Variants in TPH2 observed in about 807,000 individuals in gnomAD.
TPH2 encodes the protein tryptophan 5-hydroxylase 2.
In TPH2, 27 loss-of-function variants were observed where a neutral mutation model predicts 59.1. The observed-to-expected ratio is 0.46, with a 90% CI of 0.34 to 0.63. The LOEUF (loss-of-function observed/expected upper bound fraction) is 0.63, where lower values mean the gene tolerates loss of function less well. Ranked by LOEUF, TPH2 falls within the 30% of genes least tolerant of loss-of-function variation. TPH2 has a pLI of 0.01. For synonymous variants in TPH2, 220 were observed against 210.5 expected (o/e 1.05, Z -0.39); for missense variants, 523 against 588.3 (o/e 0.89, Z 1.15).
intron 4 of TPH2, among the ~76,000 whole-genome samples, chr12:71,945,036 C>A (rs2139179602): frequency 6.6e-6 from 1 of 152,258 alleles, no homozygotes; most frequent in African/African-American, 2.4e-5. Flanking sequence ...CTCTGGGAAA[C>A]TAGGGAGGAC....
intron 8 of TPH2, among the ~76,000 whole-genome samples, chr12:72,019,529 C>T (rs1037639380): frequency 1.3e-5 from 2 of 152,176 alleles, no homozygotes; most frequent in Admixed American, 6.5e-5. Flanking sequence ...GCAGCTTAAA[C>T]AATACCCCTT....
At chr12:71,988,206 T>C (rs1481469555) in intron 7 of TPH2, among the ~76,000 whole-genome samples, 2 of 152,324 alleles carry the variant, frequency 1.3e-5, no homozygotes, top group Non-Finnish European at 2.9e-5. Context: ...TTGTGTTATA[T>C]TGCTTTCTTA....
chr12:71,984,612 C>T (rs1409605533), intron 7 of TPH2, among the ~76,000 whole-genome samples: 1 of 152,168 alleles, frequency 6.6e-6, no homozygotes, highest in Non-Finnish European at 1.5e-5. Context: ...TGCATGCCCA[C>T]GAGCTGTGTT....
chr12:71,955,225 A>G (rs1473354678), intron 5 of TPH2, among the ~76,000 whole-genome samples: 1 of 152,194 alleles, frequency 6.6e-6, no homozygotes, highest in African/African-American at 2.4e-5. Flanking sequence ...TCACCGATTC[A>G]AATCATCCCT....
intron 5 of TPH2, among the ~76,000 whole-genome samples, chr12:71,959,062 A>T (rs1328286075): frequency 1.4e-4 from 21 of 146,702 alleles, no homozygotes; most frequent in East Asian, 2.0e-4. Context: ...AGAGAAGGGC[A>T]TTTTTTTTTT....
intron 9 of TPH2, among the ~76,000 whole-genome samples, chr12:72,028,774 G>A (rs1290353943): frequency 1.3e-5 from 2 of 152,188 alleles, no homozygotes; most frequent in African/African-American, 4.8e-5. Flanking sequence ...CACACGCATA[G>A]CAGACTCCTG....
intron 6 of TPH2, among the ~76,000 whole-genome samples, chr12:71,978,044 T>C (rs1245704587): frequency 6.6e-6 from 1 of 152,174 alleles, no homozygotes; most frequent in East Asian, 1.9e-4. Flanking sequence ...TTCAGTATAG[T>C]AATGTGTTGT....
chr12:71,959,867 C>T (rs1871629407), intron 5 of TPH2, among the ~76,000 whole-genome samples: 1 of 152,062 alleles, frequency 6.6e-6, no homozygotes, highest in East Asian at 1.9e-4. Context: ...AGGTGGTCAC[C>T]TTGATGAATT....
intron 4 of TPH2, among the ~76,000 whole-genome samples, chr12:71,946,026 A>G (rs549691859): frequency 6.6e-6 from 1 of 152,124 alleles, no homozygotes; most frequent in Admixed American, 6.6e-5. Flanking sequence ...CAGAATTAGC[A>G]CGGGAACCTG....
chr12:72,013,929 G>A (rs760852783), intron 8 of TPH2, among the ~76,000 whole-genome samples: 6 of 152,068 alleles, frequency 3.9e-5, no homozygotes, highest in Non-Finnish European at 8.8e-5. Flanking sequence ...ACTCTGAGGG[G>A]TCTTCACCTT....
intron 5 of TPH2, among the ~76,000 whole-genome samples, chr12:71,958,687 C>G (rs940623563): frequency 2.0e-5 from 3 of 152,248 alleles, no homozygotes; most frequent in Non-Finnish European, 4.4e-5. Context: ...GCCTGACCCT[C>G]GTGAGATACA....
intron 5 of TPH2, among the ~76,000 whole-genome samples, chr12:71,950,480 G>C (rs1442878401): frequency 6.6e-6 from 1 of 152,186 alleles, no homozygotes; most frequent in East Asian, 1.9e-4. Flanking sequence ...TCAGAGGCCT[G>C]ACAGTGACAG....
chr12:71,979,007 T>C lies in TPH2; in HGVS notation c.861T>C (p.Phe287=), dbSNP rs773757571. The C allele has an allele frequency of 1.9e-6, 3 of 1,613,706 alleles. No individual in the cohort carries two copies. The African/African-American group carries it at 4.0e-5, about 22-fold the overall frequency. ...PVAGYLSPRD[F]LAGLAYRVFH... is the part of the protein sequence containing the mutation. ...CTGGATACCTGAGCCCACGAGACTTTCTGGCAGGACTGGCCTACAGAGTGT... is the reference window on the plus strand; with the variant it reads ...CTGGATACCTGAGCCCACGAGACTTCCTGGCAGGACTGGCCTACAGAGTGT... The change falls in exon 7 of 11, where the codon TTT becomes TTC. Residue 287 remains phenylalanine (F), a synonymous_variant. Coordinates refer to ENST00000333850, the MANE Select transcript of TPH2 (RefSeq NM_173353.4).
At chr12:71,949,252 A>G (rs1871280672) in intron 4 of TPH2, among the ~76,000 whole-genome samples, 1 of 152,246 alleles carries the variant, frequency 6.6e-6, no homozygotes, top group Non-Finnish European at 1.5e-5. Flanking sequence ...ATAGGATAGG[A>G]TTAATTTGTG....
chr12:72,032,187 A>C lies in TPH2; in HGVS notation c.*492A>C, dbSNP rs533870207. The C allele has an allele frequency of 1.4e-4, 24 of 173,818 alleles. No individual in the cohort carries two copies. Among genetic ancestry groups the C allele is most frequent in the African/African-American group, 5.5e-4 (23 of 42,002 alleles). The allele number at this position is 173,818 out of a possible 1,614,324, so 10.8% of individuals were successfully genotyped here. A position where few individuals can be genotyped will look rare whatever the true frequency, so the allele number is the denominator to read the frequency against. The stretch of plus-strand genomic sequence containing the variant: ...CACAATAACAAAGGTTCAATATTCT[A>C]TTTCAAAAATTGTTGAGGTAACACA... On this transcript the variant is annotated 3_prime_UTR_variant, in exon 11 of 11. Coordinates refer to ENST00000333850, the MANE Select transcript of TPH2 (RefSeq NM_173353.4).
intron 8 of TPH2, among the ~76,000 whole-genome samples, chr12:71,994,825 C>T (rs1055306921): frequency 1.1e-4 from 17 of 152,040 alleles, no homozygotes; most frequent in African/African-American, 3.9e-4. Flanking sequence ...GTTTGTGGGT[C>T]GTAAGGACTC....
chr12:71,986,076 C>A (rs1443612252), intron 7 of TPH2, among the ~76,000 whole-genome samples: 1 of 152,170 alleles, frequency 6.6e-6, no homozygotes, highest in Non-Finnish European at 1.5e-5. Flanking sequence ...GGCAGTAATG[C>A]AGGTAGGAGA....
intron 8 of TPH2, among the ~76,000 whole-genome samples, chr12:72,021,220 C>T (rs4573728): frequency 6.6e-6 from 1 of 151,430 alleles, no homozygotes; most frequent in African/African-American, 2.4e-5. Flanking sequence ...TTTTGTTTTT[C>T]TTTTTTTTTC....
intron 5 of TPH2, among the ~76,000 whole-genome samples, chr12:71,961,128 A>G (rs1871669469): frequency 6.6e-6 from 1 of 152,110 alleles, no homozygotes; most frequent in Non-Finnish European, 1.5e-5. Context: ...CCTTGTACTG[A>G]TGTGTATTGG....
Sources: gnomAD v4.1 joint callset for allele counts (sites outside exome capture counted in the v4.1 genomes callset) on GRCh38, gnomAD v4.1.1 for gene constraint, MANE v1.5 for transcripts, NCBI Gene and HGNC (gene_info 2026-07-23, HGNC 2026-07-21) for gene names.